Variants in ORMDL1 observed in about 807,000 individuals in gnomAD.
The protein encoded by ORMDL1 is ORMDL sphingolipid biosynthesis regulator 1.
Under a neutral mutation model 13.0 loss-of-function variants are expected in ORMDL1, and 10 were observed. The observed-to-expected ratio is 0.77, with a 90% CI of 0.47 to 1.30. The LOEUF (loss-of-function observed/expected upper bound fraction) is 1.30, where lower values mean the gene tolerates loss of function less well. ORMDL1 is among the 50% of genes most tolerant of loss of function. The pLI is 0.00. For missense variants in ORMDL1, 171 were observed against 186.7 expected (o/e 0.92, Z 0.49); for synonymous variants, 61 against 63.9 (o/e 0.95, Z 0.22).
chr2:189,765,076 C>T, the ORMDL1 span: 1 of 152,206 alleles, frequency 6.6e-6, no homozygotes, highest in Non-Finnish European at 1.5e-5. Flanking sequence ...CGTGATCCAC[C>T]TGCCTCAGCT....
At chr2:189,783,751 G>C (rs1004170547) in intron 1 of ORMDL1, among the ~76,000 whole-genome samples, 1 of 152,180 alleles carries the variant, frequency 6.6e-6, no homozygotes, top group Non-Finnish European at 1.5e-5. Context: ...CCACAGGATG[G>C]AGGCCTGAAA....
At chr2:189,768,888 T>C (rs919664720), downstream of ORMDL1, among the ~76,000 whole-genome samples, 5 of 152,218 alleles carry the variant, frequency 3.3e-5, no homozygotes, top group African/African-American at 1.2e-4. Context: ...TCTAGTAATA[T>C]TTATTCCATG....
intron 4 of ORMDL1, chr2:189,773,940 T>G (rs1431342856): frequency 6.6e-6 from 1 of 152,180 alleles, no homozygotes; most frequent in Non-Finnish European, 1.5e-5. Context: ...CAGGTACATC[T>G]CAGTTGGCTT....
intron 3 of ORMDL1, among the ~76,000 whole-genome samples, chr2:189,776,390 A>G (rs1233461248): frequency 6.6e-6 from 1 of 152,150 alleles, no homozygotes; most frequent in African/African-American, 2.4e-5. Context: ...ATGTCTAAAC[A>G]TATAATTTTT....
rs778227463 is a variant in ORMDL1 at position 189,782,553 on chromosome 2, G to A, written c.43C>T (p.Arg15Cys). The A allele has an allele frequency of 2.5e-6, 4 of 1,614,034 alleles. No homozygotes were observed. Among genetic ancestry groups the A allele is most frequent in the African/African-American group, 2.7e-5 (2 of 74,908 alleles). ...VAHSEVNPNTRVMNSRGMWLT... is the reference protein window; with the variant it reads ...VAHSEVNPNTCVMNSRGMWLT... ...CACATACCCCGGCTGTTCATGACAC[G>A]GGTATTTGGATTCACTTCACTGTGG... Residue 15 changes from arginine (R) to cysteine (C), a missense_variant, in exon 3 of 5, where the codon CGT becomes TGT. By Grantham distance (180) the Arg-to-Cys change is radical. Coordinates refer to ENST00000392349, the MANE Select transcript of ORMDL1 (RefSeq NM_016467.5).
At chr2:189,766,972 GTA>G (rs1375826467), downstream of ORMDL1, among the ~76,000 whole-genome samples, 1 of 152,188 alleles carries the variant, frequency 6.6e-6, no homozygotes, top group Non-Finnish European at 1.5e-5. Flanking sequence ...TCCATTGTGT[GTA>G]TATGTCACAT....
At chr2:189,782,360 T>G in intron 3 of ORMDL1, 62 bp downstream of exon 3, 1 of 1,445,438 alleles carries the variant, frequency 6.9e-7, no homozygotes, top group Non-Finnish European at 9.4e-7. Context: ...TTCCTCCCCT[T>G]AATTTCCGGC....
downstream of ORMDL1, among the ~76,000 whole-genome samples, chr2:189,768,479 A>C (rs186669273): frequency 1.1e-4 from 16 of 152,356 alleles, no homozygotes; most frequent in East Asian, 2.5e-3. Context: ...ATGAAAATCA[A>C]GATTCAGCTT....
intron 2 of ORMDL1, 179 bp from the exon 3 acceptor site, chr2:189,782,781 T>G (rs545337242): frequency 9.6e-6 from 5 of 522,010 alleles, no homozygotes; most frequent in East Asian, 2.9e-5. Flanking sequence ...GTAAAGAATC[T>G]TCAGCATTTG....
downstream of ORMDL1, chr2:189,765,324 T>C (rs894407684): frequency 6.6e-6 from 1 of 152,360 alleles, no homozygotes; most frequent in East Asian, 1.9e-4. Context: ...TACAGAATTA[T>C]GGAAATGTGA....
Position 189,771,717 on chromosome 2 carries a change from C to T in ORMDL1, c.*50G>A, listed in dbSNP as rs1201817589. On this transcript the variant is annotated 3_prime_UTR_variant, in exon 5 of 5. Coordinates refer to ENST00000392349, the MANE Select transcript of ORMDL1 (RefSeq NM_016467.5). ...AGTGCAGTTTACTAACCACTCCTTCCTTATAAGAAATTCAGTAGCTGTAAA... is the reference window on the plus strand; with the variant it reads ...AGTGCAGTTTACTAACCACTCCTTCTTTATAAGAAATTCAGTAGCTGTAAA... 1.5e-5 allele frequency: 23 copies of T among 1,489,960 alleles called. No homozygotes were observed. The highest frequency in any genetic ancestry group is 2.1e-5 in the Non-Finnish European group (23 of 1,098,340). The allele number at this position is 1,489,960 out of a possible 1,614,324, so 92.3% of individuals were successfully genotyped here.
chr2:189,778,072 C>A, intron 3 of ORMDL1: 1 of 410,552 alleles, frequency 2.4e-6, no homozygotes, highest in South Asian at 1.8e-5. Flanking sequence ...TGTCCATGGT[C>A]AACCAACTTG....
At position 189,771,694 on chromosome 2, in the gene ORMDL1, T is replaced by C; in HGVS notation, c.*73A>G. On this transcript the variant is annotated 3_prime_UTR_variant, in exon 5 of 5. Transcript: ENST00000392349. ...TCATTTCACATTATCACAGAAACAG[T>C]GCAGTTTACTAACCACTCCTTCCTT... is the stretch of plus-strand genomic sequence containing the variant. 1 of 1,286,362 alleles carries C rather than the reference T, an allele frequency of 7.8e-7. No homozygotes were observed. Among genetic ancestry groups the C allele is most frequent in the Non-Finnish European group, 1.1e-6 (1 of 934,502 alleles). The allele number at this position is 1,286,362 out of a possible 1,614,324, so 79.7% of individuals were successfully genotyped here.
chr2:189,767,676 G>C (rs1033602104), downstream of ORMDL1, among the ~76,000 whole-genome samples: 1 of 152,020 alleles, frequency 6.6e-6, no homozygotes, highest in Non-Finnish European at 1.5e-5. Flanking sequence ...CTGAGTGAAC[G>C]GACACTGTGA....
At chr2:189,777,348 G>T (rs2047721956) in intron 3 of ORMDL1, among the ~76,000 whole-genome samples, 2 of 151,448 alleles carry the variant, frequency 1.3e-5, no homozygotes, top group Admixed American at 6.5e-5. Context: ...ACTTTAAAGT[G>T]AATTATAAAA....
intron 3 of ORMDL1, among the ~76,000 whole-genome samples, chr2:189,779,404 G>T (rs953216499): frequency 6.6e-6 from 1 of 152,148 alleles, no homozygotes; most frequent in Non-Finnish European, 1.5e-5. Flanking sequence ...CTATGATCAC[G>T]CCAGTCTCTT....
intron 4 of ORMDL1, among the ~76,000 whole-genome samples, chr2:189,774,217 G>A (rs2047644182): frequency 6.6e-6 from 1 of 152,144 alleles, no homozygotes; most frequent in Non-Finnish European, 1.5e-5. Flanking sequence ...GAGTACAGCA[G>A]TGTGACTACA....
Position 189,771,134 on chromosome 2 carries a change from CCAAT to C in ORMDL1, c.*629_*632del, listed in dbSNP as rs1002675011. ...TAAGACACTTGGCTATCTTTTATCA[CCAAT>C]CAGTCACAAAGGTGAACCTCCATGA... On this transcript the variant is annotated 3_prime_UTR_variant, in exon 5 of 5. Coordinates refer to ENST00000392349, the MANE Select transcript of ORMDL1 (RefSeq NM_016467.5). 2 of 152,124 alleles carry C rather than the reference CCAAT, an allele frequency of 1.3e-5. No homozygotes were observed. The highest frequency in any genetic ancestry group is 4.8e-5 in the African/African-American group (2 of 41,432). The allele number at this position is 152,124 out of a possible 1,614,324, so 9.4% of individuals were successfully genotyped here.
At chr2:189,773,265 G>A (rs1230654093) in intron 4 of ORMDL1, among the ~76,000 whole-genome samples, 1 of 152,106 alleles carries the variant, frequency 6.6e-6, no homozygotes, top group Non-Finnish European at 1.5e-5. Context: ...ATCCTCTGAT[G>A]GTATGCAAAA....
Sources: allele counts gnomAD v4.1 joint callset (sites outside exome capture counted in the v4.1 genomes callset), GRCh38; gene constraint gnomAD v4.1.1; transcripts MANE v1.5; gene names NCBI Gene and HGNC (gene_info 2026-07-23, HGNC 2026-07-21).